Variants in EYS observed in about 807,000 individuals in gnomAD.
EYS encodes EGF-like photoreceptor maintenance factor, also known as protein eyes shut homolog.
EYS carries 250 observed loss-of-function variants against 282.1 expected under a neutral mutation model. The ratio of observed to expected loss-of-function variants is 0.89; its 90% CI spans 0.80 to 0.98. The LOEUF (loss-of-function observed/expected upper bound fraction) is 0.98, where lower values mean the gene tolerates loss of function less well. Among genes scored for constraint, EYS ranks in the 50% least tolerant of loss-of-function variants. The pLI, the probability that EYS is intolerant of heterozygous loss-of-function variation, is 0.00. For missense variants in EYS, 4,016 were observed against 3,709.0 expected (o/e 1.08, Z -2.15); for synonymous variants, 1,355 against 1,282.9 (o/e 1.06, Z -1.20).
In EYS at chr6:64,196,833, A is replaced by G. The variant is rs1057447207; in HGVS notation, c.6424+33759T>C. Among the ~76,000 whole-genome samples the G allele has an allele frequency of 2.0e-5, 3 of 152,150 alleles. No homozygotes were observed. In the East Asian group the frequency reaches 5.8e-4, roughly 29 times the overall value. On this transcript the variant is annotated intron_variant, in intron 31 of 42. Coordinates refer to ENST00000503581, the MANE Select transcript of EYS (RefSeq NM_001142800.2). ...TGGGTGCAGCACACCAGCATGGCACATGTATACATATGTAACTAACCTGCA... is the reference window on the plus strand; with the variant it reads ...TGGGTGCAGCACACCAGCATGGCACGTGTATACATATGTAACTAACCTGCA...
At chr6:63,732,510 A>G (rs1465877223) in intron 41 of EYS, among the ~76,000 whole-genome samples, 1 of 152,194 alleles carries the variant, frequency 6.6e-6, no homozygotes, top group African/African-American at 2.4e-5. Flanking sequence ...TCAAATGTTT[A>G]TTTTATAGAT....
At chr6:64,252,666 T>C (rs1221237011) in intron 30 of EYS, among the ~76,000 whole-genome samples, 1 of 152,198 alleles carries the variant, frequency 6.6e-6, no homozygotes, top group East Asian at 1.9e-4. Context: ...AACTTGCTCT[T>C]CTCTGCTTTG....
At chr6:64,766,647 A>AAAATATATATATATAT (rs1323664681) in intron 22 of EYS, among the ~76,000 whole-genome samples, 1 of 11,958 alleles carries the variant, frequency 8.4e-5, no homozygotes, top group Non-Finnish European at 2.1e-4. Flanking sequence ...AAAAAAAAAA[A>AAAATATATATATATAT]AAATATATAT....
chr6:65,581,437 A>G (rs1764867033), intron 2 of EYS, among the ~76,000 whole-genome samples: 1 of 152,138 alleles, frequency 6.6e-6, no homozygotes, highest in Non-Finnish European at 1.5e-5. Flanking sequence ...TTTCATCTAT[A>G]ATGGCCAGAA....
intron 29 of EYS, among the ~76,000 whole-genome samples, chr6:64,315,353 A>G (rs1217735208): frequency 2.6e-5 from 4 of 152,244 alleles, no homozygotes; most frequent in Admixed American, 2.6e-4. Context: ...AGGAGCTGGT[A>G]TCATTCCTTC....
At chr6:64,443,682 A>G (rs909807611) in intron 26 of EYS, among the ~76,000 whole-genome samples, 1 of 152,132 alleles carries the variant, frequency 6.6e-6, no homozygotes, top group Admixed American at 6.5e-5. Flanking sequence ...TAAAAACAAG[A>G]GTTTCTCTCT....
chr6:64,945,729 G>A (rs1046804971), intron 15 of EYS, 64 bp downstream of exon 15: 3 of 1,408,222 alleles, frequency 2.1e-6, no homozygotes, highest in African/African-American at 1.4e-5. Context: ...ATGTCTGGAT[G>A]TATCCCAAGG....
chr6:64,659,555 C>T (rs9445095), intron 22 of EYS, among the ~76,000 whole-genome samples: 144,527 of 151,820 alleles, frequency 0.95, 69,189 homozygotes, highest in East Asian at 1. Context: ...AAAGGGGATA[C>T]CACCACCGAT....
Position 64,737,642 on chromosome 6 carries a change from G to A in EYS, c.3443+75736C>T, listed in dbSNP as rs529113654. Among the ~76,000 whole-genome samples the A allele has an allele frequency of 8.2e-4, 125 of 152,292 alleles. 1 individual carries two copies. Among genetic ancestry groups the A allele is most frequent in the African/African-American group, 2.9e-3 (119 of 41,552 alleles). On this transcript the variant is annotated intron_variant, in intron 22 of 42. Transcript: ENST00000503581. ...TTTGCAAGTGAGGTCTGATAGGTCT[G>A]ATAGGACAATGGAACATGCCAGTGA...
intron 14 of EYS, among the ~76,000 whole-genome samples, chr6:64,953,884 G>A (rs781327693): frequency 2.0e-5 from 3 of 151,894 alleles, no homozygotes; most frequent in Non-Finnish European, 4.4e-5. Flanking sequence ...AAGTCACATG[G>A]TAGAGGAAGA....
chr6:64,935,551 T>C (rs1338053183), intron 15 of EYS, among the ~76,000 whole-genome samples: 4 of 151,172 alleles, frequency 2.6e-5, no homozygotes, highest in Non-Finnish European at 4.4e-5. Context: ...TTTCCAAAAC[T>C]GAAAAACCAT....
chr6:64,972,829 A>T (rs2150111939), intron 14 of EYS, among the ~76,000 whole-genome samples: 1 of 152,176 alleles, frequency 6.6e-6, no homozygotes, highest in South Asian at 2.1e-4. Context: ...GCAATTTAAC[A>T]TGTTACCTAC....
chr6:65,358,956 T>C (rs1178971468), intron 8 of EYS, among the ~76,000 whole-genome samples: 1 of 152,034 alleles, frequency 6.6e-6, no homozygotes, highest in Non-Finnish European at 1.5e-5. Flanking sequence ...ATTTCTTCTT[T>C]TAGTGAGTTG....
intron 24 of EYS, among the ~76,000 whole-genome samples, chr6:64,595,382 C>G (rs1766550325): frequency 1.3e-5 from 2 of 152,082 alleles, no homozygotes; most frequent in South Asian, 4.1e-4. Context: ...TGTAATAAGA[C>G]AGGATGCCCA....
intron 22 of EYS, among the ~76,000 whole-genome samples, chr6:64,726,377 G>T (rs1771756534): frequency 6.6e-6 from 1 of 152,076 alleles, no homozygotes. Flanking sequence ...TAGCACTGGA[G>T]TTTATAAATA....
At chr6:65,451,950 G>A (rs965759987) in intron 5 of EYS, among the ~76,000 whole-genome samples, 7 of 151,616 alleles carry the variant, frequency 4.6e-5, no homozygotes, top group Non-Finnish European at 7.4e-5. Context: ...CTTTTGCCTT[G>A]TTAAATGTTT....
At chr6:64,906,512 A>G (rs1767831369) in intron 16 of EYS, among the ~76,000 whole-genome samples, 1 of 152,208 alleles carries the variant, frequency 6.6e-6, no homozygotes, top group Non-Finnish European at 1.5e-5. Flanking sequence ...GTACTTGTAT[A>G]CCTTAGGTAA....
intron 22 of EYS, among the ~76,000 whole-genome samples, chr6:64,687,205 T>C (rs1460142254): frequency 1.3e-5 from 2 of 151,926 alleles, no homozygotes; most frequent in Non-Finnish European, 1.5e-5. Context: ...CCAAAGTAAC[T>C]CTGATACTGA....
At chr6:65,544,907 C>G (rs1460959115) in intron 2 of EYS, among the ~76,000 whole-genome samples, 1 of 151,920 alleles carries the variant, frequency 6.6e-6, no homozygotes. Context: ...TTACAAAAAT[C>G]TTCTTTATAA....
Sources: gnomAD v4.1 joint callset for allele counts (sites outside exome capture counted in the v4.1 genomes callset) on GRCh38, gnomAD v4.1.1 for gene constraint, MANE v1.5 for transcripts, NCBI Gene and HGNC (gene_info 2026-07-23, HGNC 2026-07-21) for gene names.